PPP2R2B: variants seen among roughly 807,000 people sequenced by gnomAD.
PPP2R2B encodes protein phosphatase 2 regulatory subunit Bbeta, also known as serine/threonine-protein phosphatase 2A 55 kDa regulatory subunit B beta isoform.
Under a neutral mutation model 46.0 loss-of-function variants are expected in PPP2R2B, and 5 were observed. That is an observed-to-expected ratio of 0.11 (90% CI 0.06 to 0.23). The LOEUF is 0.23. Ranked by LOEUF, PPP2R2B falls within the 10% of genes least tolerant of loss-of-function variation. The pLI, the probability that PPP2R2B is intolerant of heterozygous loss-of-function variation, is 1.00. For missense variants in PPP2R2B, 367 were observed against 575.0 expected (o/e 0.64, Z 3.70); for synonymous variants, 215 against 206.7 (o/e 1.04, Z -0.34).
chr5:146,687,009 G>A (rs932895690), intron 5 of PPP2R2B, among the ~76,000 whole-genome samples: 9 of 151,104 alleles, frequency 6.0e-5, no homozygotes, highest in African/African-American at 2.0e-4. Context: ...GAAAGTCAAT[G>A]TGTAAGTGTG....
At position 146,771,368 on chromosome 5, in the gene PPP2R2B, C is replaced by T. The variant is rs183916197; in HGVS notation, c.71-70226G>A. Among the ~76,000 whole-genome samples, 13 of 152,270 alleles carry T rather than the reference C, an allele frequency of 8.5e-5. No individual in the cohort carries two copies. In the South Asian group the frequency reaches 2.5e-3, roughly 29 times the overall value. ...ATCACTAAACACAATAAATCCCTTGCGAACAGGTGCTACTAATTTTTTTTA... is the reference window on the plus strand; with the variant it reads ...ATCACTAAACACAATAAATCCCTTGTGAACAGGTGCTACTAATTTTTTTTA... On this transcript the variant is annotated intron_variant, in intron 2 of 9. Transcript: ENST00000394411.
chr5:146,967,203 G>A (rs1266955476), intron 1 of PPP2R2B, among the ~76,000 whole-genome samples: 1 of 152,130 alleles, frequency 6.6e-6, no homozygotes, highest in Non-Finnish European at 1.5e-5. Flanking sequence ...ATTCGGTCCT[G>A]GAAACCCAGG....
intron 1 of PPP2R2B, among the ~76,000 whole-genome samples, chr5:146,972,926 C>T (rs1367017184): frequency 6.6e-6 from 1 of 152,076 alleles, no homozygotes; most frequent in Non-Finnish European, 1.5e-5. Context: ...AACTTTCACC[C>T]AGCTTACCAT....
chr5:146,824,179 A>G (rs1468570373), intron 2 of PPP2R2B, among the ~76,000 whole-genome samples: 3 of 152,236 alleles, frequency 2.0e-5, no homozygotes, highest in Non-Finnish European at 4.4e-5. Context: ...TTTACTGAAG[A>G]GCAGAAAGCT....
rs78665906 is a variant in PPP2R2B, at chr5:146,940,209, T to A, written c.79+115456A>T. On this transcript the variant is annotated intron_variant, in intron 1 of 8. Transcript: ENST00000336640. ...CAGAACTCCATGTTGATCTTTCCAC[T>A]CCACTTTGTCTTAATAGAGCTACAA... Among the ~76,000 whole-genome samples, 861 of 152,300 alleles carry A rather than the reference T, an allele frequency of 5.7e-3. 29 individuals carry two copies. The East Asian group carries it at 0.068, about 12-fold the overall frequency.
intron 1 of PPP2R2B, among the ~76,000 whole-genome samples, chr5:146,897,627 G>A (rs1762688343): frequency 1.3e-5 from 2 of 152,034 alleles, no homozygotes; most frequent in Admixed American, 1.3e-4. Context: ...CCTACACTGT[G>A]AGGGGAAAAA....
At chr5:146,897,347 G>T (rs1460984336) in intron 1 of PPP2R2B, among the ~76,000 whole-genome samples, 2 of 152,180 alleles carry the variant, frequency 1.3e-5, no homozygotes, top group Non-Finnish European at 2.9e-5. Context: ...CACACCCTGG[G>T]TGGATACAAT....
intron 2 of PPP2R2B, among the ~76,000 whole-genome samples, chr5:147,079,445 CATATATAT>C (rs58393815): frequency 3.5e-4 from 46 of 132,294 alleles, no homozygotes; most frequent in Admixed American, 1.3e-3. Flanking sequence ...TATATATATA[CATATATAT>C]ATATATATAT....
intron 1 of PPP2R2B, among the ~76,000 whole-genome samples, chr5:146,964,467 C>T (rs1054100252): frequency 2.0e-5 from 3 of 152,138 alleles, no homozygotes; most frequent in Admixed American, 1.3e-4. Context: ...AGGACCAGCC[C>T]GCAACAGCCC....
At chr5:146,595,360 G>A (rs527407405) in intron 8 of PPP2R2B, among the ~76,000 whole-genome samples, 68 of 152,282 alleles carry the variant, frequency 4.5e-4, no homozygotes, top group African/African-American at 1.5e-3. Flanking sequence ...CCATATGTCT[G>A]CTTTGTGATG....
In PPP2R2B at chr5:146,586,199, A is replaced by C. The variant is rs1417700941; in HGVS notation, c.*3748T>G. ...TGCATTCAGGGTGGTATGTCCAAAG[A>C]CTGTGTCAGGGGATTTGTTTTGGAA... On this transcript the variant is annotated 3_prime_UTR_variant, in exon 10 of 10. Coordinates refer to ENST00000394411, the MANE Select transcript of PPP2R2B (RefSeq NM_181675.4). The C allele has an allele frequency of 5.3e-5, 8 of 152,328 alleles. No homozygotes were observed. Among genetic ancestry groups the C allele is most frequent in the African/African-American group, 1.9e-4 (8 of 41,550 alleles). The allele number at this position is 152,328 out of a possible 1,614,324, so 9.4% of individuals were successfully genotyped here. A position where few individuals can be genotyped will look rare whatever the true frequency, so the allele number is the denominator to read the frequency against.
At chr5:146,706,463 G>T (rs1409298952) in intron 2 of PPP2R2B, 8 of 1,116,934 alleles carry the variant, frequency 7.2e-6, no homozygotes, top group Admixed American at 3.5e-5. Context: ...TGTAGGTGGC[G>T]ATCTCGATGT....
At chr5:146,734,437 T>C (rs1752420291) in intron 2 of PPP2R2B, among the ~76,000 whole-genome samples, 1 of 152,296 alleles carries the variant, frequency 6.6e-6, no homozygotes, top group Middle Eastern at 3.4e-3. Flanking sequence ...ATCTACTTTA[T>C]TATTCCCACT....
chr5:147,017,487 T>A (rs1368413846), intron 1 of PPP2R2B, among the ~76,000 whole-genome samples: 2 of 151,456 alleles, frequency 1.3e-5, no homozygotes, highest in Non-Finnish European at 2.9e-5. Context: ...GTGTGTAAAC[T>A]AACTCAAGGA....
chr5:146,781,924 G>A (rs2151283747), intron 2 of PPP2R2B, among the ~76,000 whole-genome samples: 1 of 152,332 alleles, frequency 6.6e-6, no homozygotes, highest in Middle Eastern at 3.4e-3. Context: ...AAAGTTGGAG[G>A]TGGGGCCTGG....
At chr5:147,016,945 G>A (rs553543466) in intron 1 of PPP2R2B, among the ~76,000 whole-genome samples, 1 of 151,658 alleles carries the variant, frequency 6.6e-6, no homozygotes, top group African/African-American at 2.4e-5. Context: ...TACATGTCAT[G>A]CTCTAGAGCT....
At chr5:146,631,671 T>G (rs892787598) in intron 7 of PPP2R2B, among the ~76,000 whole-genome samples, 1 of 152,232 alleles carries the variant, frequency 6.6e-6, no homozygotes, top group Non-Finnish European at 1.5e-5. Context: ...AATTAAAGTC[T>G]GCTTTGTTCA....
intron 1 of PPP2R2B, among the ~76,000 whole-genome samples, chr5:147,036,115 A>G (rs1329709807): frequency 7.2e-5 from 11 of 152,182 alleles, no homozygotes; most frequent in African/African-American, 2.7e-4. Flanking sequence ...TCACCCAGGA[A>G]CTAAGCCCAG....
chr5:147,009,776 T>C (rs1754623026), intron 1 of PPP2R2B, among the ~76,000 whole-genome samples: 1 of 151,982 alleles, frequency 6.6e-6, no homozygotes, highest in Non-Finnish European at 1.5e-5. Flanking sequence ...ATTCAACAAC[T>C]ATCCCAAGTG....
Sources: allele counts gnomAD v4.1 joint callset (sites outside exome capture counted in the v4.1 genomes callset), GRCh38; gene constraint gnomAD v4.1.1; transcripts MANE v1.5; gene names NCBI Gene and HGNC (gene_info 2026-07-23, HGNC 2026-07-21).